The following TJP2 variants were observed in gnomAD, a reference collection of about 807,000 sequenced individuals.
TJP2 encodes tight junction protein 2.
A neutral mutation model predicts 133.1 loss-of-function variants in TJP2; 91 were observed. That is an observed-to-expected ratio of 0.68 (90% CI 0.58 to 0.81). TJP2 has a LOEUF of 0.81. Ranked by LOEUF, TJP2 falls within the 40% of genes least tolerant of loss-of-function variation. The probability of loss-of-function intolerance (pLI) is 0.00; values close to 1 mark genes in which losing one functional copy is unlikely to be tolerated. For synonymous variants in TJP2, 592 were observed against 583.4 expected (o/e 1.01, Z -0.21); for missense variants, 1,541 against 1,565.6 (o/e 0.98, Z 0.26).
At chr9:69,151,637 A>T in intron 1 of TJP2, 1 of 1,232,124 alleles carries the variant, frequency 8.1e-7, no homozygotes, top group South Asian at 4.1e-5. Flanking sequence ...TTTTAACAAC[A>T]CTGTCTTTTC....
At position 69,226,100 on chromosome 9, in the gene TJP2, C is replaced by G. The variant is rs752901376; in HGVS notation, c.1135C>G (p.Leu379Val). ...AGAAAAGTCAAGAGGAAAACTACAG[C>G]TAGTGGTGTTGAGAGACAGCCAGCA... ...LIEKSRGKLQ[L>V]VVLRDSQQTL... The change falls in exon 7 of 23, where the codon CTA becomes GTA. Residue 379 changes from leucine (L) to valine (V), a missense_variant. By Grantham distance (32) the Leu-to-Val change is conservative. Transcript: ENST00000377245. 4 of 1,614,130 alleles carry G rather than the reference C, an allele frequency of 2.5e-6. No individual in the cohort carries two copies. Among genetic ancestry groups the G allele is most frequent in the Non-Finnish European group, 3.4e-6 (4 of 1,180,012 alleles).
At chr9:69,182,797 T>TC (rs968749099) in intron 1 of TJP2, among the ~76,000 whole-genome samples, 58 of 150,660 alleles carry the variant, frequency 3.8e-4, no homozygotes, top group African/African-American at 1.4e-3. Flanking sequence ...TCTTTTTTTT[T>TC]TTTTTTTTGA....
chr9:69,216,389 C>A lies in TJP2; in HGVS notation c.165C>A (p.Pro55=). Residue 55 remains proline (P), a synonymous_variant, in exon 3 of 23, where the codon CCC becomes CCA. Coordinates refer to ENST00000377245, the MANE Select transcript of TJP2 (RefSeq NM_004817.4). The stretch of plus-strand genomic sequence containing the variant: ...CAGTGTCCGGAGGCAGAGACAACCC[C>A]CACTTTGAAAATGGAGAAACGTCAA... ...GIAVSGGRDN[P]HFENGETSIV... is the part of the protein sequence containing the mutation. 6.2e-7 allele frequency: 1 copy of A among 1,614,108 alleles called. No individual in the cohort carries two copies.
At chr9:69,146,510 A>G (rs1409368214) in intron 1 of TJP2, among the ~76,000 whole-genome samples, 1 of 152,192 alleles carries the variant, frequency 6.6e-6, no homozygotes, top group Non-Finnish European at 1.5e-5. Flanking sequence ...TGTAGCAAAT[A>G]TTTCTTTTTA....
intron 1 of TJP2, among the ~76,000 whole-genome samples, chr9:69,195,247 A>G (rs1248202371): frequency 6.6e-6 from 1 of 152,174 alleles, no homozygotes; most frequent in Admixed American, 6.5e-5. Flanking sequence ...AAGTTTAGTC[A>G]GGTTTAAAAT....
Position 69,240,090 on chromosome 9 carries a change from C to G in TJP2, c.2509C>G (p.Arg837Gly). Residue 837 changes from arginine (R) to glycine (G), a missense_variant, in exon 17 of 23, where the codon CGA becomes GGA. By Grantham distance (125) the Arg-to-Gly change is moderately radical (BLOSUM62 -2). Transcript: ENST00000377245. ...AAATCCAACGTCCAACAAAAGTTCT[C>G]GAAAGTTATTTGATCAAGCCAACAA... ...RLNPTSNKSS[R>G]KLFDQANKLK... 1 of 1,613,816 alleles carries G rather than the reference C, an allele frequency of 6.2e-7. No homozygotes were observed. Among genetic ancestry groups the G allele is most frequent in the South Asian group, 1.1e-5 (1 of 91,058 alleles).
rs1314234631 is a variant in TJP2, at chr9:69,127,074, CT to C, written c.-131+5362del. Among the ~76,000 whole-genome samples, 148 of 52,270 alleles carry C rather than the reference CT, an allele frequency of 2.8e-3. 30 individuals are homozygous for C. The Middle Eastern group carries it at 0.057, about 20-fold the overall frequency. The allele number at this position is 52,270 out of a possible 152,430, so 34.3% of individuals were successfully genotyped here. The stretch of plus-strand genomic sequence containing the variant: ...TAGGGAGACCCCTGTCTCTCTCTCT[CT>C]TTTTTTTTTTTTGAGGCAAAGTCTC... On this transcript the variant is annotated intron_variant, in intron 1 of 5. Transcript: ENST00000423935.
At chr9:69,122,718 C>G (rs1373946298) in intron 1 of TJP2, among the ~76,000 whole-genome samples, 1 of 152,172 alleles carries the variant, frequency 6.6e-6, no homozygotes, top group South Asian at 2.1e-4. Flanking sequence ...TTCTGCGCAA[C>G]TGAGTATCTC....
chr9:69,153,191 C>T (rs1376252433), intron 2 of TJP2, among the ~76,000 whole-genome samples: 1 of 151,878 alleles, frequency 6.6e-6, no homozygotes, highest in Non-Finnish European at 1.5e-5. Flanking sequence ...TATAATTGCA[C>T]CACTGCACCC....
chr9:69,202,342 T>A (rs888987542), intron 1 of TJP2, among the ~76,000 whole-genome samples: 1 of 152,194 alleles, frequency 6.6e-6, no homozygotes, highest in Non-Finnish European at 1.5e-5. Flanking sequence ...CTCCTCCCCT[T>A]AACACTTACT....
intron 1 of TJP2, among the ~76,000 whole-genome samples, chr9:69,187,456 C>G (rs1403196592): frequency 6.6e-6 from 1 of 152,142 alleles, no homozygotes; most frequent in Non-Finnish European, 1.5e-5. Context: ...TTCGTCTGTT[C>G]CAATTTGAGA....
At chr9:69,228,468 A>C (rs1829514716) in intron 9 of TJP2, among the ~76,000 whole-genome samples, 2 of 152,222 alleles carry the variant, frequency 1.3e-5, no homozygotes, top group Non-Finnish European at 2.9e-5. Context: ...CATGCAGTAT[A>C]TGCATGTAAC....
rs751814343 is a variant in TJP2 at position 69,218,304 on chromosome 9, T to C, written c.287T>C (p.Val96Ala). 2.2e-5 allele frequency: 35 copies of C among 1,614,116 alleles called. No homozygotes were observed. Among genetic ancestry groups the C allele is most frequent in the Middle Eastern group, 1.6e-4 (1 of 6,084 alleles). ...GTCAATGGCACCCCCATGGAGGATG[T>C]GCTTCATTCGTTTGCAGTTCAGCAG... The part of the protein sequence containing the change: ...VMVNGTPMED[V>A]LHSFAVQQLR... The change falls in exon 4 of 23, where the codon GTG becomes GCG. Residue 96 changes from valine (V) to alanine (A), a missense_variant. Transcript: ENST00000377245.
chr9:69,174,183 G>A, upstream of TJP2: 1 of 1,366,046 alleles, frequency 7.3e-7, no homozygotes, highest in Non-Finnish European at 9.4e-7. Flanking sequence ...GCCACGCTCG[G>A]GTCGGGGGCG....
intron 1 of TJP2, among the ~76,000 whole-genome samples, chr9:69,185,250 C>A (rs1401970916): frequency 1.3e-5 from 2 of 151,980 alleles, no homozygotes; most frequent in Non-Finnish European, 2.9e-5. Flanking sequence ...TTAGTAGAGG[C>A]AGGGTTTCAC....
rs774438583 is a variant in TJP2, at chr9:69,216,475, C to G, written c.239+12C>G. On this transcript the variant is annotated intron_variant, in intron 3 of 22. Coordinates refer to ENST00000377245, the MANE Select transcript of TJP2 (RefSeq NM_004817.4). ...GATGGGCTGCTCCAGTGAGTGTCCT[C>G]CCTCGCTCCGCAGCCCCTACCAGCC... 2 of 1,613,474 alleles carry G rather than the reference C, an allele frequency of 1.2e-6. No homozygotes were observed. Among genetic ancestry groups the G allele is most frequent in the Non-Finnish European group, 1.7e-6 (2 of 1,180,010 alleles).
chr9:69,222,131 C>T (rs955994118), intron 5 of TJP2, among the ~76,000 whole-genome samples: 1 of 151,608 alleles, frequency 6.6e-6, no homozygotes, highest in Non-Finnish European at 1.5e-5. Flanking sequence ...TGCAGCCTCC[C>T]AAAGTGCTGG....
chr9:69,213,606 A>G (rs572751731), intron 2 of TJP2, among the ~76,000 whole-genome samples: 22 of 152,366 alleles, frequency 1.4e-4, no homozygotes, highest in Non-Finnish European at 2.5e-4. Flanking sequence ...ATCCAGGTAG[A>G]AAAAAATGTC....
chr9:69,240,156 A>G lies in TJP2; in HGVS notation c.2566+9A>G. ...TGCACACCTTTTTACAGGTAAGTGA[A>G]ATGTAAATGTAGTCCCTTTGCTAAA... On this transcript the variant is annotated intron_variant, in intron 17 of 22. Coordinates refer to ENST00000377245, the MANE Select transcript of TJP2 (RefSeq NM_004817.4). 2 of 1,609,170 alleles carry G rather than the reference A, an allele frequency of 1.2e-6. No homozygotes were observed. The highest frequency in any genetic ancestry group is 8.5e-7 in the Non-Finnish European group (1 of 1,176,312).
Sources: allele counts gnomAD v4.1 joint callset (sites outside exome capture counted in the v4.1 genomes callset), GRCh38; gene constraint gnomAD v4.1.1; transcripts MANE v1.5; gene names NCBI Gene and HGNC (gene_info 2026-07-23, HGNC 2026-07-21).